Variants in KCNT2 observed in about 807,000 individuals in gnomAD.
The protein encoded by KCNT2 is potassium sodium-activated channel subfamily T member 2.
In KCNT2, 67 loss-of-function variants were observed where a neutral mutation model predicts 153.8. The observed-to-expected ratio is 0.44, with a 90% confidence interval of 0.36 to 0.53. The LOEUF (loss-of-function observed/expected upper bound fraction) is 0.53, where lower values mean the gene tolerates loss of function less well. KCNT2 is among the 20% of genes least tolerant of loss of function. The probability of loss-of-function intolerance (pLI) is 0.00; values close to 1 mark genes in which losing one functional copy is unlikely to be tolerated. For missense variants in KCNT2, 975 were observed against 1,354.8 expected, an observed-to-expected ratio of 0.72 and a Z score of 4.40; for synonymous variants, 500 against 458.8, an observed-to-expected ratio of 1.09 and a Z score of -1.15.
chr1:196,602,703 A>G (rs1664860947), intron 1 of KCNT2, among the ~76,000 whole-genome samples: 1 of 151,998 alleles, frequency 6.6e-6, no homozygotes, highest in South Asian at 2.1e-4. Flanking sequence ...TGATTGAAAA[A>G]CAATAATTAT....
At chr1:196,579,028 A>G (rs1429365111) in intron 1 of KCNT2, among the ~76,000 whole-genome samples, 1 of 152,100 alleles carries the variant, frequency 6.6e-6, no homozygotes, top group East Asian at 1.9e-4. Flanking sequence ...ACGAAGGTAC[A>G]GTTGTTATGA....
chr1:196,485,300 T>C (rs1445577271), intron 3 of KCNT2, among the ~76,000 whole-genome samples: 4 of 151,722 alleles, frequency 2.6e-5, no homozygotes, highest in Admixed American at 6.6e-5. Flanking sequence ...CTGTTGGGGA[T>C]TGGGGGGCGA....
At chr1:196,507,928 A>C (rs1313130883) in intron 1 of KCNT2, among the ~76,000 whole-genome samples, 1 of 152,004 alleles carries the variant, frequency 6.6e-6, no homozygotes. Flanking sequence ...AGATCAAACT[A>C]TACAGGATGT....
intron 8 of KCNT2, among the ~76,000 whole-genome samples, chr1:196,435,809 A>G (rs1047536611): frequency 6.6e-6 from 1 of 151,652 alleles, no homozygotes; most frequent in Non-Finnish European, 1.5e-5. Flanking sequence ...TCTGGACTCC[A>G]TTGTCACTTT....
intron 25 of KCNT2, among the ~76,000 whole-genome samples, chr1:196,260,589 T>G (rs955526063): frequency 1.6e-4 from 25 of 151,870 alleles, no homozygotes; most frequent in Admixed American, 2.0e-4. Context: ...TAACCTCACT[T>G]TAACTACAGT....
chr1:196,493,883 C>T (rs1680048369), intron 1 of KCNT2, among the ~76,000 whole-genome samples: 4 of 151,768 alleles, frequency 2.6e-5, no homozygotes, highest in Admixed American at 2.6e-4. Flanking sequence ...TTTTCTTCAC[C>T]TTATATATTA....
intron 12 of KCNT2, among the ~76,000 whole-genome samples, chr1:196,400,301 A>G (rs1671301251): frequency 6.6e-6 from 1 of 151,828 alleles, no homozygotes; most frequent in Non-Finnish European, 1.5e-5. Context: ...AAACCACTAT[A>G]TAAGTAAAAG....
intron 1 of KCNT2, among the ~76,000 whole-genome samples, chr1:196,508,203 A>C (rs1283411076): frequency 2.0e-5 from 3 of 149,648 alleles, no homozygotes; most frequent in African/African-American, 7.3e-5. Context: ...AAAAAAAAAA[A>C]AAAAAAAAAA....
intron 1 of KCNT2, among the ~76,000 whole-genome samples, chr1:196,499,501 G>A (rs1680506011): frequency 6.6e-6 from 1 of 152,162 alleles, no homozygotes; most frequent in African/African-American, 2.4e-5. Flanking sequence ...CTGAATGAAG[G>A]CATAATGTGG....
chr1:196,310,246 A>AG (rs1336452645), intron 21 of KCNT2, among the ~76,000 whole-genome samples: 3 of 151,916 alleles, frequency 2.0e-5, no homozygotes, highest in Non-Finnish European at 4.4e-5. Flanking sequence ...TTTAATTAAC[A>AG]GGGGGTATAC....
In KCNT2 at chr1:196,400,128, C is replaced by T. The variant is rs191256210; in HGVS notation, c.1186-1457G>A. On this transcript the variant is annotated intron_variant, in intron 12 of 27. Coordinates refer to ENST00000294725, the MANE Select transcript of KCNT2 (RefSeq NM_198503.5). ...GCAAATATTCAAATATCAGAATGAG[C>T]CCAATAATTCTACTAAGATTCATCA... is the stretch of plus-strand genomic sequence containing the variant. Among the ~76,000 whole-genome samples, 48 of 151,834 alleles carry T rather than the reference C, an allele frequency of 3.2e-4. 1 individual carries two copies. The highest frequency in any genetic ancestry group is 3.4e-3 in the Middle Eastern group (1 of 294).
At chr1:196,270,873 C>T (rs909289121) in intron 25 of KCNT2, among the ~76,000 whole-genome samples, 2 of 151,536 alleles carry the variant, frequency 1.3e-5, no homozygotes, top group Admixed American at 1.3e-4. Context: ...AAAACCTACA[C>T]ACTACAAGGT....
intron 12 of KCNT2, among the ~76,000 whole-genome samples, chr1:196,413,142 T>C (rs1190708034): frequency 6.6e-6 from 1 of 151,668 alleles, no homozygotes; most frequent in Non-Finnish European, 1.5e-5. Flanking sequence ...TAAACAGTAG[T>C]ACCACTTTTA....
At chr1:196,574,867 CA>C (rs1661172097) in intron 1 of KCNT2, among the ~76,000 whole-genome samples, 1 of 151,690 alleles carries the variant, frequency 6.6e-6, no homozygotes, top group South Asian at 2.1e-4. Context: ...CAAGATAAAG[CA>C]GAGTTTTGAG....
chr1:196,370,557 C>T (rs1357880284), intron 14 of KCNT2, among the ~76,000 whole-genome samples: 7 of 151,332 alleles, frequency 4.6e-5, no homozygotes, highest in South Asian at 2.1e-4. Flanking sequence ...AAAAAAAGCG[C>T]GGATAATTAC....
chr1:196,592,079 CTA>C (rs1227349229), intron 1 of KCNT2, among the ~76,000 whole-genome samples: 2 of 151,992 alleles, frequency 1.3e-5, no homozygotes, highest in Admixed American at 1.3e-4. Context: ...CTCTTCACAC[CTA>C]TGTTTGTTGC....
intron 12 of KCNT2, among the ~76,000 whole-genome samples, chr1:196,417,019 T>G (rs1220631099): frequency 6.6e-6 from 1 of 152,080 alleles, no homozygotes; most frequent in Non-Finnish European, 1.5e-5. Context: ...ATGTTTGCCT[T>G]CCTGTGTCTG....
At chr1:196,334,483 C>CTTTTTTTTTTTTTTTTTTTTT (rs757677685) in intron 16 of KCNT2, among the ~76,000 whole-genome samples, 12 of 42,352 alleles carry the variant, frequency 2.8e-4, no homozygotes, top group South Asian at 1.2e-3. Flanking sequence ...TTCTTTCTTT[C>CTTTTTTTTTTTTTTTTTTTTT]TTTCTTTTTT....
chr1:196,377,159 G>T (rs756725044), intron 13 of KCNT2, among the ~76,000 whole-genome samples: 2 of 151,888 alleles, frequency 1.3e-5, no homozygotes, highest in Non-Finnish European at 2.9e-5. Flanking sequence ...TGCTGAGCTA[G>T]GATGAGCTGA....
Sources: gnomAD v4.1 joint callset for allele counts (sites outside exome capture counted in the v4.1 genomes callset) on GRCh38, gnomAD v4.1.1 for gene constraint, MANE v1.5 for transcripts, NCBI Gene and HGNC (gene_info 2026-07-23, HGNC 2026-07-21) for gene names.